The following AKT2 variants were observed in gnomAD, a reference collection of about 807,000 sequenced individuals.
AKT2 encodes RAC-beta serine/threonine-protein kinase.
A neutral mutation model predicts 58.6 loss-of-function variants in AKT2; 16 were observed. The observed-to-expected ratio is 0.27, with a 90% CI of 0.18 to 0.41. The LOEUF is 0.41. Ranked by LOEUF, AKT2 falls within the 10% of genes least tolerant of loss-of-function variation. The pLI, the probability that AKT2 is intolerant of heterozygous loss-of-function variation, is 1.00. For synonymous variants in AKT2, 253 were observed against 254.0 expected, an observed-to-expected ratio of 1.00 and a Z score of 0.04; for missense variants, 438 against 661.0, an observed-to-expected ratio of 0.66 and a Z score of 3.70.
At chr19:40,273,166 ACT>A (rs1290241238) in intron 1 of AKT2, among the ~76,000 whole-genome samples, 1 of 151,984 alleles carries the variant, frequency 6.6e-6, no homozygotes, top group African/African-American at 2.4e-5. Context: ...ATATGGTGAA[ACT>A]CTGTCTCTAC....
At chr19:40,252,756 T>C (rs1975257169) in intron 4 of AKT2, among the ~76,000 whole-genome samples, 1 of 152,208 alleles carries the variant, frequency 6.6e-6, no homozygotes, top group African/African-American at 2.4e-5. Flanking sequence ...GGTCTTTGCA[T>C]ATGCTGTCCC....
chr19:40,276,343 A>ACCTT (rs1568573407), intron 1 of AKT2, among the ~76,000 whole-genome samples: 1 of 98,856 alleles, frequency 1.0e-5, no homozygotes, highest in African/African-American at 3.7e-5. Flanking sequence ...GTAAAATGGA[A>ACCTT]TCTTTTTTTT....
rs563707926 is a variant in AKT2 at position 40,252,254 on chromosome 19, G to T, written c.287+2904C>A. Among the ~76,000 whole-genome samples, 5 of 152,118 alleles carry T rather than the reference G, an allele frequency of 3.3e-5. No individual in the cohort carries two copies. The South Asian group carries it at 1.0e-3, about 32-fold the overall frequency. On this transcript the variant is annotated intron_variant, in intron 4 of 13. Coordinates refer to ENST00000392038, the MANE Select transcript of AKT2 (RefSeq NM_001626.6). ...GGGCCTCCCTCTTGCTGGGTTTCTG[G>T]TTCACCCCCTCCACCCACCCATAGT...
rs989352684 is a variant in AKT2 at position 40,231,506 on chromosome 19, A to C, written c.*2366T>G. ...CTCTGATTTCTGTAAATTGGATCTG[A>C]CTTTTTCTGCTTACATTCACTTAAA... On this transcript the variant is annotated 3_prime_UTR_variant, in exon 14 of 14. Transcript: ENST00000392038. 1 of 233,208 alleles carries C rather than the reference A, an allele frequency of 4.3e-6. No homozygotes were observed. Among genetic ancestry groups the C allele is most frequent in the Non-Finnish European group, 8.5e-6 (1 of 118,056 alleles). The allele number at this position is 233,208 out of a possible 1,614,324, so 14.4% of individuals were successfully genotyped here. A position where few individuals can be genotyped will look rare whatever the true frequency, so the allele number is the denominator to read the frequency against.
intron 1 of AKT2, among the ~76,000 whole-genome samples, chr19:40,267,146 A>G (rs1042793284): frequency 6.6e-6 from 1 of 151,268 alleles, no homozygotes; most frequent in Non-Finnish European, 1.5e-5. Flanking sequence ...CCCCACATTC[A>G]GCAGCTAGAG....
chr19:40,266,781 G>A (rs59010363), intron 1 of AKT2, among the ~76,000 whole-genome samples: 27,453 of 152,034 alleles, frequency 0.18, 2,773 homozygotes, highest in African/African-American at 0.25. Flanking sequence ...CTTGTCTCAC[G>A]ACCTAATTTT....
rs200220143 is a variant in AKT2, at chr19:40,242,419, C to T, written c.441+115G>A. Reference sequence around the variant, plus strand: ...GAAATCACCCCACCCTGCAGGGCAGCCTTGTCTCTCAGCTGAGCCCCCTGA... The same window carrying T: ...GAAATCACCCCACCCTGCAGGGCAGTCTTGTCTCTCAGCTGAGCCCCCTGA... On this transcript the variant is annotated intron_variant, in intron 5 of 13. Coordinates refer to ENST00000392038, the MANE Select transcript of AKT2 (RefSeq NM_001626.6). The surrounding 1 kb of genome is among the most constrained non-coding windows in gnomAD (Gnocchi z 4.3). 4.5e-4 allele frequency: 682 copies of T among 1,503,140 alleles called. 1 individual carries two copies. The African/African-American group carries it at 7.7e-3, about 17-fold the overall frequency. 93.1% of individuals were successfully genotyped at this position (1,503,140 alleles called of 1,614,324 possible). A position where few individuals can be genotyped will look rare whatever the true frequency, so the allele number is the denominator to read the frequency against.
chr19:40,272,269 G>A (rs1365111105), intron 1 of AKT2, among the ~76,000 whole-genome samples: 3 of 152,208 alleles, frequency 2.0e-5, no homozygotes, highest in African/African-American at 7.2e-5. Context: ...TGGGGTCCTT[G>A]TTTGCCCACT....
rs1204628504 is a variant in AKT2 at position 40,230,514 on chromosome 19, A to G, written c.*3358T>C. ...CCGCCCCCGACTCCACACAACCATC[A>G]GTGCACGAGGGCAGCCCCCAGAGGC... On this transcript the variant is annotated 3_prime_UTR_variant, in exon 14 of 14. Coordinates refer to ENST00000392038, the MANE Select transcript of AKT2 (RefSeq NM_001626.6). The G allele has an allele frequency of 4.4e-6, 1 of 226,884 alleles. No individual in the cohort carries two copies. Among genetic ancestry groups the G allele is most frequent in the Admixed American group, 5.7e-5 (1 of 17,570 alleles). The allele number at this position is 226,884 out of a possible 1,614,324, so 14.1% of individuals were successfully genotyped here. A position where few individuals can be genotyped will look rare whatever the true frequency, so the allele number is the denominator to read the frequency against.
chr19:40,265,433 C>A (rs1976279393), intron 1 of AKT2, 82 bp from the exon 2 acceptor site: 2 of 1,504,722 alleles, frequency 1.3e-6, no homozygotes, highest in African/African-American at 2.8e-5. Context: ...GCTCTGAGGC[C>A]CTCTGGCTGT....
At position 40,237,716 on chromosome 19, in the gene AKT2, G is replaced by A; in HGVS notation, c.831+253C>T. The A allele has an allele frequency of 2.0e-6, 1 of 506,384 alleles. No individual in the cohort carries two copies. Among genetic ancestry groups the A allele is most frequent in the Non-Finnish European group, 3.6e-6 (1 of 276,366 alleles). The allele number at this position is 506,384 out of a possible 1,614,324, so 31.4% of individuals were successfully genotyped here. On this transcript the variant is annotated intron_variant, in intron 9 of 13. Coordinates refer to ENST00000392038, the MANE Select transcript of AKT2 (RefSeq NM_001626.6). This position sits in a 1 kb window ranked among gnomAD's most constrained non-coding sequence, Gnocchi z 4.5. ...TAGTGGCCTAGGAGCGCTCATGGGA[G>A]GCTTGGGAAGGTCCCTACTTGGGGC...
chr19:40,283,382 G>A (rs1294654027), intron 1 of AKT2, among the ~76,000 whole-genome samples: 1 of 152,202 alleles, frequency 6.6e-6, no homozygotes, highest in African/African-American at 2.4e-5. Flanking sequence ...GGCAGGAGAG[G>A]ACCAGAGGAA....
intron 2 of AKT2, among the ~76,000 whole-genome samples, chr19:40,263,589 C>G (rs1340219408): frequency 6.6e-6 from 1 of 152,184 alleles, no homozygotes; most frequent in Non-Finnish European, 1.5e-5. Context: ...AACCCAGACT[C>G]CAGGCTCAGG....
chr19:40,239,056 T>C lies in AKT2; in HGVS notation c.640-83A>G. 3 of 1,435,488 alleles carry C rather than the reference T, an allele frequency of 2.1e-6. No individual in the cohort carries two copies. The South Asian group carries it at 3.6e-5, about 17-fold the overall frequency. 88.9% of individuals were successfully genotyped at this position (1,435,488 alleles called of 1,614,324 possible). On this transcript the variant is annotated intron_variant, in intron 7 of 13. Transcript: ENST00000392038. ...TGCCAGGGCAGGGCCCTGGCCCTGC[T>C]TATTCTGCACACACACACCCTGCCC...
At chr19:40,251,557 T>C (rs1975155207) in intron 4 of AKT2, among the ~76,000 whole-genome samples, 1 of 150,362 alleles carries the variant, frequency 6.7e-6, no homozygotes, top group South Asian at 2.1e-4. Context: ...GTCAAAAAAA[T>C]AAATAAATTA....
chr19:40,275,153 C>CCGGCGG (rs2077289104), intron 1 of AKT2: 1 of 456,740 alleles, frequency 2.2e-6, no homozygotes, highest in Admixed American at 2.3e-5. Flanking sequence ...CCCCTCTCCT[C>CCGGCGG]CGAGCCCTGA....
At chr19:40,246,851 A>T (rs1461227034) in intron 4 of AKT2, among the ~76,000 whole-genome samples, 1 of 152,234 alleles carries the variant, frequency 6.6e-6, no homozygotes, top group Non-Finnish European at 1.5e-5. Context: ...GGACCAGCTC[A>T]GCCCTCCCAG....
rs537722117 is a variant in AKT2 at position 40,231,716 on chromosome 19, G to A, written c.*2156C>T. 14 of 233,312 alleles carry A rather than the reference G, an allele frequency of 6.0e-5. No individual in the cohort carries two copies. Among genetic ancestry groups the A allele is most frequent in the South Asian group, 5.4e-4 (3 of 5,538 alleles). 14.5% of individuals were successfully genotyped at this position (233,312 alleles called of 1,614,324 possible). A position where few individuals can be genotyped will look rare whatever the true frequency, so the allele number is the denominator to read the frequency against. On this transcript the variant is annotated 3_prime_UTR_variant, in exon 14 of 14. Coordinates refer to ENST00000392038, the MANE Select transcript of AKT2 (RefSeq NM_001626.6). ...CCATGCAGCCACGTGACTCAAGCAC[G>A]GGAAGTGCAGGGGCCCAGACACATC...
At chr19:40,248,474 CA>C in intron 4 of AKT2, among the ~76,000 whole-genome samples, 1 of 152,350 alleles carries the variant, frequency 6.6e-6, no homozygotes. Flanking sequence ...AGAGGGCAGT[CA>C]GGGGAGGCCT....
Sources: gnomAD v4.1 joint callset for allele counts (sites outside exome capture counted in the v4.1 genomes callset) on GRCh38, gnomAD v4.1.1 for gene constraint, Gnocchi (gnomAD v3.1) non-coding constraint, MANE v1.5 for transcripts, NCBI Gene and HGNC (gene_info 2026-07-23, HGNC 2026-07-21) for gene names.